The following MYDGF variants were observed in gnomAD, a reference collection of about 807,000 sequenced individuals.
MYDGF encodes myeloid derived growth factor.
MYDGF carries 29 observed loss-of-function variants against 24.2 expected under a neutral mutation model. The ratio of observed to expected loss-of-function variants is 1.20; its 90% confidence interval spans 0.89 to 1.63. MYDGF has a LOEUF of 1.63. Among genes scored for constraint, MYDGF ranks in the 40% most tolerant of loss-of-function variants. MYDGF has a pLI of 0.00. For synonymous variants in MYDGF, 105 were observed against 102.5 expected (o/e 1.02, Z -0.15); for missense variants, 245 against 234.8 (o/e 1.04, Z -0.29).
intron 2 of MYDGF, among the ~76,000 whole-genome samples, chr19:4,667,361 C>G (rs1422038752): frequency 6.6e-6 from 1 of 151,832 alleles, no homozygotes; most frequent in Non-Finnish European, 1.5e-5. Context: ...ATCTCCTGAC[C>G]TTGTGATCCA....
At chr19:4,664,629 C>T (rs553575152) in intron 3 of MYDGF, among the ~76,000 whole-genome samples, 3 of 152,178 alleles carry the variant, frequency 2.0e-5, no homozygotes, top group Non-Finnish European at 4.4e-5. Context: ...TTTCCTGGGA[C>T]CTTGCCCCGC....
chr19:4,667,416 G>C (rs1488572116), intron 2 of MYDGF, among the ~76,000 whole-genome samples: 1 of 151,630 alleles, frequency 6.6e-6, no homozygotes, highest in Non-Finnish European at 1.5e-5. Flanking sequence ...GCATGAGCCA[G>C]TGCGCCTGGC....
At chr19:4,663,414 TGC>T (rs2088489325) in intron 3 of MYDGF, among the ~76,000 whole-genome samples, 2 of 119,232 alleles carry the variant, frequency 1.7e-5, no homozygotes. Context: ...CTCCAATCTG[TGC>T]CCTCTCCACC....
chr19:4,665,024 C>T, intron 2 of MYDGF, 87 bp from the exon 3 acceptor site: 1 of 1,426,338 alleles, frequency 7.0e-7, no homozygotes, highest in South Asian at 1.2e-5. Context: ...TACAGTCAGG[C>T]CACCTCTTCT....
intron 2 of MYDGF, among the ~76,000 whole-genome samples, chr19:4,666,277 CTTTT>C (rs556392738): frequency 2.1e-5 from 3 of 141,522 alleles, no homozygotes; most frequent in Non-Finnish European, 3.1e-5. Context: ...TACAGTTTTA[CTTTT>C]TTTTTTTTTT....
At chr19:4,662,445 T>C (rs1389262119) in intron 3 of MYDGF, among the ~76,000 whole-genome samples, 1 of 152,166 alleles carries the variant, frequency 6.6e-6, no homozygotes, top group Non-Finnish European at 1.5e-5. Flanking sequence ...CCTGACGGCT[T>C]CCTTCCCTTC....
Position 4,664,859 on chromosome 19 carries a change from C to T in MYDGF, c.287+17G>A, listed in dbSNP as rs1568287682. ...GCCAACGGCAGCCGGAAATGCCATC[C>T]CCACCCCGAGTCTCACCTCCAGATG... On this transcript the variant is annotated intron_variant, in intron 3 of 5. Transcript: ENST00000262947. 1 of 1,611,316 alleles carries T rather than the reference C, an allele frequency of 6.2e-7. No individual in the cohort carries two copies. The highest frequency in any genetic ancestry group is 8.5e-7 in the Non-Finnish European group (1 of 1,178,834).
rs1195467803 is a variant in MYDGF at position 4,670,065 on chromosome 19, G to A, written c.174+96C>T. 15 of 1,290,392 alleles carry A rather than the reference G, an allele frequency of 1.2e-5. No individual in the cohort carries two copies. The South Asian group carries it at 2.1e-4, about 18-fold the overall frequency. The allele number at this position is 1,290,392 out of a possible 1,614,324, so 79.9% of individuals were successfully genotyped here. ...CCCCTTCTTCAGTACCCACCTCCGC[G>A]GTCCGCGCCCCCTCCTCGGGCCCCG... On this transcript the variant is annotated intron_variant, in intron 1 of 5. Transcript: ENST00000262947.
At chr19:4,669,549 C>A (rs528009382) in intron 1 of MYDGF, among the ~76,000 whole-genome samples, 1 of 152,052 alleles carries the variant, frequency 6.6e-6, no homozygotes, top group African/African-American at 2.4e-5. Context: ...ACCCAGAAGG[C>A]TAAGGATGCA....
chr19:4,667,964 G>T (rs889690581), intron 2 of MYDGF, among the ~76,000 whole-genome samples: 9 of 152,190 alleles, frequency 5.9e-5, no homozygotes, highest in Admixed American at 4.6e-4. Flanking sequence ...GTCTCGCTCT[G>T]TTGCCCAGGC....
intron 2 of MYDGF, among the ~76,000 whole-genome samples, chr19:4,666,806 C>T (rs2088524930): frequency 6.6e-6 from 1 of 152,138 alleles, no homozygotes; most frequent in Non-Finnish European, 1.5e-5. Flanking sequence ...TGGCTCACAC[C>T]TGTAATCCCA....
At position 4,659,952 on chromosome 19, in the gene MYDGF, A is replaced by G; in HGVS notation, c.421T>C (p.Phe141Leu). 1 of 1,614,018 alleles carries G rather than the reference A, an allele frequency of 6.2e-7. No individual in the cohort carries two copies. The highest frequency in any genetic ancestry group is 1.7e-5 in the Admixed American group (1 of 60,002). ...GTACCTGCTGTTTTGGTCACTTCAA[A>G]TTCCTCAGTTTTCAGAGGGACATCA... Reference protein sequence around the residue: ...ESDVPLKTEEFEVTKTAVAHR... With the variant: ...ESDVPLKTEELEVTKTAVAHR... The change falls in exon 5 of 6, where the codon TTT becomes CTT. Residue 141 changes from phenylalanine (F) to leucine (L), a missense_variant. Physicochemically the swap from Phe to Leu is conservative, Grantham distance 22. Coordinates refer to ENST00000262947, the MANE Select transcript of MYDGF (RefSeq NM_019107.4).
chr19:4,661,024 A>G lies in MYDGF; in HGVS notation c.288-274T>C, dbSNP rs545287440. Among the ~76,000 whole-genome samples, 5 of 146,506 alleles carry G rather than the reference A, an allele frequency of 3.4e-5. No homozygotes were observed. In the Admixed American group the frequency reaches 3.5e-4, roughly 10 times the overall value. On this transcript the variant is annotated intron_variant, in intron 3 of 5. Transcript: ENST00000262947. Reference sequence around the variant, plus strand: ...ACTCTGTTGCCCAGGCTGGATGGCAATGGCACAATCTCACTCACTGCAGCC... The same window carrying G: ...ACTCTGTTGCCCAGGCTGGATGGCAGTGGCACAATCTCACTCACTGCAGCC...
In MYDGF at chr19:4,660,705, C is replaced by CT. The variant is rs1568286041; in HGVS notation, c.332dup (p.Val112GlyfsTer5). 1 of 1,614,134 alleles carries CT rather than the reference C, an allele frequency of 6.2e-7. No individual in the cohort carries two copies. The highest frequency in any genetic ancestry group is 1.1e-5 in the South Asian group (1 of 91,084). ...CGTACTCAATCTCAGCGCCCCGCAC[C>CT]TCTGCCTTGAACTGTGTGAAGTACA... is the stretch of plus-strand genomic sequence containing the variant. On this transcript the variant is annotated frameshift_variant, in exon 4 of 6. Coordinates refer to ENST00000262947, the MANE Select transcript of MYDGF (RefSeq NM_019107.4). LOFTEE classifies it high-confidence loss of function.
At position 4,660,649 on chromosome 19, in the gene MYDGF, C is replaced by T. The variant is rs559582033; in HGVS notation, c.369+20G>A. The T allele has an allele frequency of 1.2e-6, 2 of 1,608,780 alleles. No individual in the cohort carries two copies. Among genetic ancestry groups the T allele is most frequent in the African/African-American group, 1.3e-5 (1 of 74,906 alleles). ...GCACAGAAGCCACACCCGGAGCCTG[C>T]CCCACTCCAAGATACTCACGTAGGC... On this transcript the variant is annotated intron_variant, in intron 4 of 5. Transcript: ENST00000262947.
At chr19:4,669,376 G>A (rs1443913068) in intron 1 of MYDGF, among the ~76,000 whole-genome samples, 1 of 152,150 alleles carries the variant, frequency 6.6e-6, no homozygotes, top group East Asian at 1.9e-4. Flanking sequence ...GCATGAACCT[G>A]GGAGGCAGAG....
Position 4,670,213 on chromosome 19 carries a change from T to C in MYDGF, c.122A>G (p.Asp41Gly). Reference sequence around the variant, plus strand: ...ATGCACGACGCCGCCGGGCCGCACGTCAAACGCCACCGTCGTGGGCTCGGA... The same window carrying C: ...ATGCACGACGCCGCCGGGCCGCACGCCAAACGCCACCGTCGTGGGCTCGGA... ...AVSEPTTVAF[D>G]VRPGGVVHSF... The change falls in exon 1 of 6, where the codon GAC becomes GGC. Residue 41 changes from aspartate (D) to glycine (G), a missense_variant. Physicochemically the swap from Asp to Gly is moderately conservative, Grantham distance 94 (BLOSUM62 -1). Transcript: ENST00000262947. 1 of 1,564,144 alleles carries C rather than the reference T, an allele frequency of 6.4e-7. No individual in the cohort carries two copies. Among genetic ancestry groups the C allele is most frequent in the Non-Finnish European group, 8.6e-7 (1 of 1,158,440 alleles).
At chr19:4,665,694 G>A (rs181034056) in intron 2 of MYDGF, among the ~76,000 whole-genome samples, 2,026 of 151,886 alleles carry the variant, frequency 0.013, 24 homozygotes, top group African/African-American at 0.032. Context: ...AGTGGTGGGC[G>A]CCTGTAGTCC....
At chr19:4,661,305 C>A (rs537014742) in intron 3 of MYDGF, among the ~76,000 whole-genome samples, 1 of 152,114 alleles carries the variant, frequency 6.6e-6, no homozygotes, top group Non-Finnish European at 1.5e-5. Flanking sequence ...TTCATAGACA[C>A]GCCTCTCTCC....
Sources: gnomAD v4.1 joint callset for allele counts (sites outside exome capture counted in the v4.1 genomes callset) on GRCh38, gnomAD v4.1.1 for gene constraint, MANE v1.5 for transcripts, NCBI Gene and HGNC (gene_info 2026-07-23, HGNC 2026-07-21) for gene names.